Variants in PC observed in about 807,000 individuals in gnomAD.
PC encodes pyruvate carboxylase.
A neutral mutation model predicts 107.8 loss-of-function variants in PC; 46 were observed. The ratio of observed to expected loss-of-function variants is 0.43; its 90% CI spans 0.34 to 0.55. PC has a LOEUF of 0.55. Ranked by LOEUF, PC falls within the 20% of genes least tolerant of loss-of-function variation. PC has a pLI of 0.04. For synonymous variants in PC, 662 were observed against 684.7 expected, an observed-to-expected ratio of 0.97 and a Z score of 0.52; for missense variants, 1,241 against 1,643.1, an observed-to-expected ratio of 0.76 and a Z score of 4.23.
At chr11:66,873,493 AT>A (rs1946847876) in intron 3 of PC, among the ~76,000 whole-genome samples, 3 of 12,484 alleles carry the variant, frequency 2.4e-4, no homozygotes, top group Non-Finnish European at 2.8e-4. Context: ...AATATTATAT[AT>A]ATTATATAAT....
chr11:66,853,427 G>A lies in PC; in HGVS notation c.1369-44C>T, dbSNP rs557909903. On this transcript the variant is annotated intron_variant, in intron 12 of 22. Transcript: ENST00000393960. ...TGGGAGGGGGTCACCATGCAGCACA[G>A]ACAGGGAAGGCAGAGGAGAAAAGGC... 4.3e-6 allele frequency: 7 copies of A among 1,610,678 alleles called. No individual in the cohort carries two copies. In the South Asian group the frequency reaches 7.7e-5, roughly 18 times the overall value.
intron 12 of PC, chr11:66,859,654 G>T (rs1221256616): frequency 6.2e-7 from 1 of 1,612,874 alleles, no homozygotes; most frequent in African/African-American, 1.3e-5. Flanking sequence ...CCAGCCTCCA[G>T]CCACCACTTC....
intron 12 of PC, 116 bp downstream of exon 12, chr11:66,863,658 C>T (rs1946369788): frequency 1.8e-6 from 2 of 1,101,148 alleles, no homozygotes; most frequent in Admixed American, 2.2e-5. Flanking sequence ...CTCGACCCAT[C>T]AGTCAGGGGC....
At chr11:66,910,113 G>C (rs1190033851) in intron 3 of PC, among the ~76,000 whole-genome samples, 1 of 152,142 alleles carries the variant, frequency 6.6e-6, no homozygotes, top group East Asian at 1.9e-4. Flanking sequence ...ACACAAGCGG[G>C]GGGAGTAAGT....
At chr11:66,948,255 G>A (rs887849934) in intron 3 of PC, among the ~76,000 whole-genome samples, 15 of 151,576 alleles carry the variant, frequency 9.9e-5, no homozygotes, top group African/African-American at 3.4e-4. Flanking sequence ...GCAACAACAT[G>A]GACATATCTC....
At position 66,858,702 on chromosome 11, in the gene PC, C is replaced by T. The variant is rs770259072; in HGVS notation, c.1368+5072G>A. 3 of 1,550,498 alleles carry T rather than the reference C, an allele frequency of 1.9e-6. No homozygotes were observed. The highest frequency in any genetic ancestry group is 1.4e-5 in the African/African-American group (1 of 73,492). On this transcript the variant is annotated intron_variant, in intron 12 of 22. Transcript: ENST00000393960. This position sits in a 1 kb window ranked among gnomAD's most constrained non-coding sequence, Gnocchi z 5.9. Reference sequence around the variant, plus strand: ...CATGCACTGGGTCGGTCCTGACGACCGGTTGGTTGGCAACTCCTCCCGAGC... The same window carrying T: ...CATGCACTGGGTCGGTCCTGACGACTGGTTGGTTGGCAACTCCTCCCGAGC...
At chr11:66,943,062 T>C (rs527540605) in intron 3 of PC, among the ~76,000 whole-genome samples, 98 of 151,320 alleles carry the variant, frequency 6.5e-4, no homozygotes, top group African/African-American at 2.4e-3. Flanking sequence ...ATAATACATG[T>C]GTTATATGGA....
At chr11:66,851,746 TG>T in intron 16 of PC, 43 bp downstream of exon 16, 1 of 1,606,390 alleles carries the variant, frequency 6.2e-7, no homozygotes, top group Non-Finnish European at 8.5e-7. Context: ...CGGTACCCTC[TG>T]GGCCACACCA....
Position 66,871,343 on chromosome 11 carries a change from C to A in PC, c.459G>T (p.Val153=), listed in dbSNP as rs750334266. The change falls in exon 6 of 23, where the codon GTG becomes GTT. Residue 153 remains valine (V), a synonymous_variant. Coordinates refer to ENST00000393960, the MANE Select transcript of PC (RefSeq NM_001040716.2). The surrounding 1 kb of genome is among the most constrained non-coding windows in gnomAD (Gnocchi z 7.4). ...CAGCAATGGCGATGGCCCGGGCCTC[C>A]ACCTTGTCTCCCATCTTGCGGACCA... ...PEVVRKMGDK[V]EARAIAIAAG... 6.2e-7 allele frequency: 1 copy of A among 1,613,940 alleles called. No individual in the cohort carries two copies. Among genetic ancestry groups the A allele is most frequent in the Non-Finnish European group, 8.5e-7 (1 of 1,180,020 alleles).
intron 3 of PC, among the ~76,000 whole-genome samples, chr11:66,879,633 G>A (rs1565255875): frequency 6.6e-6 from 1 of 152,218 alleles, no homozygotes; most frequent in Non-Finnish European, 1.5e-5. Context: ...GAGCCTAGAG[G>A]CTGTGAACCT....
intron 3 of PC, among the ~76,000 whole-genome samples, chr11:66,937,299 C>T (rs1379662480): frequency 6.6e-6 from 1 of 152,170 alleles, no homozygotes; most frequent in Non-Finnish European, 1.5e-5. Context: ...AGTGTTCATC[C>T]CACTATCTCC....
At position 66,852,861 on chromosome 11, in the gene PC, C is replaced by T; in HGVS notation, c.1514-25G>A. 5 of 1,522,388 alleles carry T rather than the reference C, an allele frequency of 3.3e-6. No homozygotes were observed. The highest frequency in any genetic ancestry group is 1.8e-5 in the Admixed American group (1 of 54,426). 94.3% of individuals were successfully genotyped at this position (1,522,388 alleles called of 1,614,324 possible). ...CCTGGGGAGAAAGCGGGCAGTGGGT[C>T]AGGGTGGGCTGGGCAGAGGCTGAGT... On this transcript the variant is annotated intron_variant, in intron 13 of 22. Coordinates refer to ENST00000393960, the MANE Select transcript of PC (RefSeq NM_001040716.2). The surrounding 1 kb of genome is among the most constrained non-coding windows in gnomAD (Gnocchi z 4.7).
At chr11:66,908,475 G>T (rs1948233096) in intron 3 of PC, among the ~76,000 whole-genome samples, 1 of 152,156 alleles carries the variant, frequency 6.6e-6, no homozygotes, top group South Asian at 2.1e-4. Context: ...AAACCACCCA[G>T]CTCAGTTCAT....
chr11:66,948,012 A>AAGATAGAT (rs57087967), intron 3 of PC, among the ~76,000 whole-genome samples: 5,574 of 134,614 alleles, frequency 0.041, 130 homozygotes, highest in Middle Eastern at 0.081. Context: ...ATCTCTACTA[A>AAGATAGAT]AGATAGATAG....
intron 12 of PC, chr11:66,859,810 C>G (rs147064009): frequency 6.3e-7 from 1 of 1,585,714 alleles, no homozygotes; most frequent in African/African-American, 1.3e-5. Flanking sequence ...CTGTGCCACG[C>G]CCTGCAGGCC....
At chr11:66,887,888 G>A (rs541536865) in intron 3 of PC, among the ~76,000 whole-genome samples, 12 of 152,378 alleles carry the variant, frequency 7.9e-5, no homozygotes, top group African/African-American at 2.6e-4. Context: ...GGGCAGGGCT[G>A]CGCCCCTCCG....
At position 66,853,019 on chromosome 11, in the gene PC, A is replaced by T. The variant is rs558321342; in HGVS notation, c.1514-183T>A. The stretch of plus-strand genomic sequence containing the variant: ...TACAGGCAGTGGGGACGTCTTGAGG[A>T]CCACGTGGATGGAAAGGTGGGGTCT... On this transcript the variant is annotated intron_variant, in intron 13 of 22. Coordinates refer to ENST00000393960, the MANE Select transcript of PC (RefSeq NM_001040716.2). The T allele has an allele frequency of 1.3e-5, 9 of 688,764 alleles. No homozygotes were observed. The South Asian group carries it at 1.7e-4, about 13-fold the overall frequency. 42.7% of individuals were successfully genotyped at this position (688,764 alleles called of 1,614,324 possible). A position where few individuals can be genotyped will look rare whatever the true frequency, so the allele number is the denominator to read the frequency against.
At position 66,868,857 on chromosome 11, in the gene PC, C is replaced by T; in HGVS notation, c.1011G>A (p.Glu337=). ...CCGCCCACACTCACTCGGTGATCTC[C>T]TCTGTGACCGTGTGCTCCACCTGCA... ...SRLQVEHTVT[E]EITDVDLVHA... The change falls in exon 10 of 23, where the codon GAG becomes GAA. Residue 337 remains glutamate (E), a synonymous_variant. Transcript: ENST00000393960. The T allele has an allele frequency of 6.2e-7, 1 of 1,613,044 alleles. No individual in the cohort carries two copies. The highest frequency in any genetic ancestry group is 8.5e-7 in the Non-Finnish European group (1 of 1,179,280).
Position 66,871,128 on chromosome 11 carries a change from G to A in PC, c.557C>T (p.Thr186Ile). The stretch of plus-strand genomic sequence containing the variant: ...CTTGAAGATGATGGGGAAGCCGTAG[G>A]TGTTGGAGAACTCGTGGGCCTCATG... Reference protein sequence around the residue: ...SLHEAHEFSNTYGFPIIFKAA... With the variant: ...SLHEAHEFSNIYGFPIIFKAA... Residue 186 changes from threonine to isoleucine, a missense_variant, in exon 7 of 23, where the codon ACC becomes ATC. Coordinates refer to ENST00000393960, the MANE Select transcript of PC (RefSeq NM_001040716.2). This position sits in a 1 kb window ranked among gnomAD's most constrained non-coding sequence, Gnocchi z 7.4. 6.2e-7 allele frequency: 1 copy of A among 1,613,968 alleles called. No homozygotes were observed. Among genetic ancestry groups the A allele is most frequent in the East Asian group, 2.2e-5 (1 of 44,868 alleles).
Sources: gnomAD v4.1 joint callset for allele counts (sites outside exome capture counted in the v4.1 genomes callset) on GRCh38, gnomAD v4.1.1 for gene constraint, Gnocchi (gnomAD v3.1) non-coding constraint, MANE v1.5 for transcripts, NCBI Gene and HGNC (gene_info 2026-07-23, HGNC 2026-07-21) for gene names.